The following EMP2 variants were observed in gnomAD, a reference collection of about 807,000 sequenced individuals.
EMP2 encodes the protein epithelial membrane protein 2.
A neutral mutation model predicts 13.7 loss-of-function variants in EMP2; 19 were observed. That is an observed-to-expected ratio of 1.38 (90% CI 0.97 to 2.03). The LOEUF is 2.03. EMP2 is among the 30% of genes most tolerant of loss of function. EMP2 has a pLI of 0.00. For missense variants in EMP2, 253 were observed against 220.7 expected, an observed-to-expected ratio of 1.15 and a Z score of -0.93; for synonymous variants, 97 against 84.7, an observed-to-expected ratio of 1.15 and a Z score of -0.80.
intron 1 of EMP2, among the ~76,000 whole-genome samples, chr16:10,556,186 C>G (rs1251100399): frequency 6.6e-6 from 1 of 152,168 alleles, no homozygotes; most frequent in East Asian, 1.9e-4. Context: ...TTTCCCCTAG[C>G]ATTTCCAGTT....
At chr16:10,553,003 T>C (rs140019208) in intron 1 of EMP2, among the ~76,000 whole-genome samples, 17 of 152,186 alleles carry the variant, frequency 1.1e-4, no homozygotes, top group African/African-American at 3.9e-4. Flanking sequence ...GAAGTAAAGG[T>C]CTCCTATGAC....
intron 1 of EMP2, among the ~76,000 whole-genome samples, chr16:10,563,404 C>G (rs188066493): frequency 1.5e-4 from 23 of 152,304 alleles, no homozygotes; most frequent in African/African-American, 5.5e-4. Flanking sequence ...GTTGGCCAGG[C>G]TGTTCTCAAA....
chr16:10,538,837 A>G (rs2050671108), intron 3 of EMP2, among the ~76,000 whole-genome samples: 1 of 152,078 alleles, frequency 6.6e-6, no homozygotes. Flanking sequence ...ATTTTTTGAG[A>G]CAGGGTCTCA....
At chr16:10,567,758 T>A (rs1328093223) in intron 1 of EMP2, among the ~76,000 whole-genome samples, 2 of 152,174 alleles carry the variant, frequency 1.3e-5, no homozygotes, top group East Asian at 3.8e-4. Context: ...AAGCTCTCCT[T>A]GATTCACATC....
intron 1 of EMP2, among the ~76,000 whole-genome samples, chr16:10,556,209 T>A (rs1306816846): frequency 6.6e-6 from 1 of 152,204 alleles, no homozygotes; most frequent in Admixed American, 6.5e-5. Context: ...CTTCCTTCTT[T>A]TCTTCCCTCC....
chr16:10,547,352 T>C, intron 2 of EMP2, 188 bp downstream of exon 2: 1 of 600,702 alleles, frequency 1.7e-6, no homozygotes. Flanking sequence ...GTGGCTTTGC[T>C]CCTCCTTTGC....
chr16:10,550,804 G>A (rs1004362767), intron 1 of EMP2, among the ~76,000 whole-genome samples: 3 of 152,086 alleles, frequency 2.0e-5, no homozygotes, highest in African/African-American at 7.2e-5. Context: ...GTGAAACCCT[G>A]TCTCTACTAA....
At chr16:10,537,437 G>A (rs1168031168) in intron 4 of EMP2, among the ~76,000 whole-genome samples, 1 of 152,108 alleles carries the variant, frequency 6.6e-6, no homozygotes, top group African/African-American at 2.4e-5. Context: ...CATCAGCTTA[G>A]AACAAAGACC....
intron 1 of EMP2, among the ~76,000 whole-genome samples, chr16:10,549,644 G>A (rs1412039942): frequency 6.6e-6 from 1 of 151,970 alleles, no homozygotes; most frequent in Non-Finnish European, 1.5e-5. Context: ...ATGTTTTGAA[G>A]TACAGTGCGA....
rs1472220792 is a variant in EMP2 at position 10,530,846 on chromosome 16, A to G, written c.*2059T>C. 6.6e-6 allele frequency: 1 copy of G among 152,206 alleles called. No homozygotes were observed. Among genetic ancestry groups the G allele is most frequent in the Non-Finnish European group, 1.5e-5 (1 of 68,054 alleles). The allele number at this position is 152,206 out of a possible 1,614,324, so 9.4% of individuals were successfully genotyped here. A position where few individuals can be genotyped will look rare whatever the true frequency, so the allele number is the denominator to read the frequency against. On this transcript the variant is annotated 3_prime_UTR_variant, in exon 5 of 5. Transcript: ENST00000359543. ...GTGTTACACAGACAGGTACTGCCCA[A>G]TAACTGTCATCTGCACGAACTGAAT...
chr16:10,532,441 TCTC>T lies in EMP2; in HGVS notation c.*461_*463del, dbSNP rs1419865575. The T allele has an allele frequency of 6.6e-6, 1 of 152,402 alleles. No individual in the cohort carries two copies. The highest frequency in any genetic ancestry group is 1.5e-5 in the Non-Finnish European group (1 of 68,314). The allele number at this position is 152,402 out of a possible 1,614,324, so 9.4% of individuals were successfully genotyped here. A position where few individuals can be genotyped will look rare whatever the true frequency, so the allele number is the denominator to read the frequency against. ...AAACCTCTCAGGAAGCTGTCATTCT[TCTC>T]CTATACCCCACCTCACCCTCTTCCA... On this transcript the variant is annotated 3_prime_UTR_variant, in exon 5 of 5. Coordinates refer to ENST00000359543, the MANE Select transcript of EMP2 (RefSeq NM_001424.6).
At chr16:10,545,274 C>T (rs116388315) in intron 2 of EMP2, 117 of 152,336 alleles carry the variant, frequency 7.7e-4, no homozygotes, top group African/African-American at 2.6e-3. Context: ...AAAGAACATT[C>T]GGTCCCATTT....
At chr16:10,564,939 C>T (rs946413917) in intron 1 of EMP2, among the ~76,000 whole-genome samples, 3 of 152,152 alleles carry the variant, frequency 2.0e-5, no homozygotes, top group African/African-American at 7.2e-5. Flanking sequence ...GATGGAAAGT[C>T]AGCATCACCT....
At chr16:10,560,414 G>C (rs1225004347) in intron 1 of EMP2, among the ~76,000 whole-genome samples, 1 of 152,218 alleles carries the variant, frequency 6.6e-6, no homozygotes, top group Non-Finnish European at 1.5e-5. Context: ...TCCACTTTGT[G>C]GGTGAGAAAT....
chr16:10,570,480 G>A (rs1467977534), intron 1 of EMP2, among the ~76,000 whole-genome samples: 1 of 152,084 alleles, frequency 6.6e-6, no homozygotes, highest in East Asian at 1.9e-4. Context: ...TCACCGTCAC[G>A]TCTGCCTCTT....
chr16:10,532,993 T>C lies in EMP2; in HGVS notation c.416A>G (p.Tyr139Cys), dbSNP rs2050619588. The C allele has an allele frequency of 6.2e-7, 1 of 1,612,280 alleles. No homozygotes were observed. The highest frequency in any genetic ancestry group is 1.3e-5 in the African/African-American group (1 of 74,850). ...KFYPVTREGS[Y>C]GYSYILAWVA... ...CCACGCCAGGATGTAGGAGTAGCCG[T>C]AGCTGCCTTCTCTGGTCACGGGATA... The change falls in exon 5 of 5, where the codon TAC (tyrosine) becomes TGC (cysteine). Residue 139 changes from tyrosine to cysteine, a missense_variant. Tyr to Cys is a radical substitution (Grantham distance 194). Transcript: ENST00000359543.
chr16:10,575,506 G>A (rs1372651808), intron 1 of EMP2, among the ~76,000 whole-genome samples: 5 of 151,498 alleles, frequency 3.3e-5, no homozygotes, highest in South Asian at 4.2e-4. Context: ...CACCTACCTC[G>A]GCCTCCCAAA....
chr16:10,537,781 C>G, intron 4 of EMP2, 147 bp downstream of exon 4: 1 of 970,736 alleles, frequency 1.0e-6, no homozygotes. Flanking sequence ...CACACACACA[C>G]GCAAACACAC....
At chr16:10,540,388 C>A (rs1473903579) in intron 3 of EMP2, among the ~76,000 whole-genome samples, 1 of 152,030 alleles carries the variant, frequency 6.6e-6, no homozygotes, top group Non-Finnish European at 1.5e-5. Flanking sequence ...CACCTGTAAT[C>A]CCAGCTACTT....
Sources: gnomAD v4.1 joint callset for allele counts (sites outside exome capture counted in the v4.1 genomes callset) on GRCh38, gnomAD v4.1.1 for gene constraint, MANE v1.5 for transcripts, NCBI Gene and HGNC (gene_info 2026-07-23, HGNC 2026-07-21) for gene names.